EPB41L2: variants seen among roughly 807,000 people sequenced by gnomAD.
The protein encoded by EPB41L2 is erythrocyte membrane protein band 4.1 like 2.
EPB41L2 carries 43 observed loss-of-function variants against 113.0 expected under a neutral mutation model. The observed-to-expected ratio is 0.38, with a 90% CI of 0.30 to 0.49. EPB41L2 has a LOEUF of 0.49. Among genes scored for constraint, EPB41L2 ranks in the 20% least tolerant of loss-of-function variants. The pLI is 0.95. For synonymous variants in EPB41L2, 442 were observed against 436.7 expected (o/e 1.01, Z -0.15); for missense variants, 1,147 against 1,223.4 (o/e 0.94, Z 0.93).
intron 1 of EPB41L2, among the ~76,000 whole-genome samples, chr6:130,984,752 C>A (rs1015614253): frequency 1.3e-5 from 2 of 152,184 alleles, no homozygotes; most frequent in African/African-American, 4.8e-5. Context: ...CCACTGTCTC[C>A]TTAAGAAAAT....
chr6:130,888,019 A>G (rs569026791), intron 11 of EPB41L2, among the ~76,000 whole-genome samples: 2 of 152,196 alleles, frequency 1.3e-5, no homozygotes, highest in South Asian at 4.1e-4. Context: ...TCATAAGAGG[A>G]TTTATTTTAA....
chr6:130,946,088 G>A (rs3777465), intron 3 of EPB41L2, among the ~76,000 whole-genome samples: 54,132 of 151,918 alleles, frequency 0.36, 13,763 homozygotes, highest in African/African-American at 0.71. Context: ...AAGTTTTTTC[G>A]AAAAATTTTT....
chr6:131,018,683 G>A (rs1275725364), intron 1 of EPB41L2, among the ~76,000 whole-genome samples: 2 of 152,156 alleles, frequency 1.3e-5, no homozygotes, highest in Non-Finnish European at 2.9e-5. Flanking sequence ...TAAATGTAAT[G>A]CATCCATAAA....
At position 130,870,003 on chromosome 6, in the gene EPB41L2, T is replaced by C. The variant is rs1268993945; in HGVS notation, c.2167A>G (p.Ile723Val). Residue 723 changes from isoleucine (I) to valine (V), a missense_variant, in exon 15 of 20, where the codon ATT becomes GTT. Ile to Val is a conservative substitution (Grantham distance 29, BLOSUM62 3). Coordinates refer to ENST00000337057, the MANE Select transcript of EPB41L2 (RefSeq NM_001431.4). ...TGTGTCACAGGCTCCACCTTACGAA[T>C]CTCCCCAGGACCACTCCCAGGTGAT... is the stretch of plus-strand genomic sequence containing the variant. ...EISPGSGPGE[I>V]RKVEPVTQKD... The C allele has an allele frequency of 6.2e-7, 1 of 1,613,784 alleles. No homozygotes were observed. The highest frequency in any genetic ancestry group is 1.3e-5 in the African/African-American group (1 of 74,842).
intron 1 of EPB41L2, among the ~76,000 whole-genome samples, chr6:131,014,456 C>T (rs529070248): frequency 1.6e-4 from 24 of 152,304 alleles, no homozygotes; most frequent in African/African-American, 5.8e-4. Context: ...GGTAAAAAGG[C>T]ATCTGTAATC....
chr6:130,951,246 C>A (rs1307338438), intron 3 of EPB41L2, among the ~76,000 whole-genome samples: 3 of 100,246 alleles, frequency 3.0e-5, no homozygotes, highest in Non-Finnish European at 5.3e-5. Context: ...GACAGAGCAA[C>A]TGTCTCCAAA....
chr6:130,912,892 A>G lies in EPB41L2; in HGVS notation c.811-4029T>C, dbSNP rs3822860. Among the ~76,000 whole-genome samples, 1,709 of 152,296 alleles carry G rather than the reference A, an allele frequency of 0.011. 179 individuals carry two copies. In the East Asian group the frequency reaches 0.26, roughly 23 times the overall value. ...GAAATTGAATGGCGCCAAATTGAAA[A>G]GAAAAAAAAAGTCCCCAGAATATTA... On this transcript the variant is annotated intron_variant, in intron 4 of 19. Coordinates refer to ENST00000337057, the MANE Select transcript of EPB41L2 (RefSeq NM_001431.4).
At chr6:130,930,532 T>C (rs1806471553) in intron 3 of EPB41L2, among the ~76,000 whole-genome samples, 1 of 152,200 alleles carries the variant, frequency 6.6e-6, no homozygotes, top group Non-Finnish European at 1.5e-5. Flanking sequence ...AGATAAAAGA[T>C]ACTCAACCTG....
At position 130,885,411 on chromosome 6, in the gene EPB41L2, C is replaced by T. The variant is rs922756231; in HGVS notation, c.1661-143G>A. 5.6e-6 allele frequency: 4 copies of T among 712,588 alleles called. No individual in the cohort carries two copies. The Admixed American group carries it at 1.1e-4, about 20-fold the overall frequency. The allele number at this position is 712,588 out of a possible 1,614,324, so 44.1% of individuals were successfully genotyped here. A position where few individuals can be genotyped will look rare whatever the true frequency, so the allele number is the denominator to read the frequency against. ...ACATTGCTTGAGCTCTGAAAATACC[C>T]ACCATATAAAATAAACTAATTTTTA... On this transcript the variant is annotated intron_variant, in intron 11 of 19. Transcript: ENST00000337057.
At chr6:131,022,945 G>C (rs1195088383) in intron 1 of EPB41L2, among the ~76,000 whole-genome samples, 1 of 152,116 alleles carries the variant, frequency 6.6e-6, no homozygotes, top group African/African-American at 2.4e-5. Context: ...ATTTCCACAA[G>C]GGCAGGAATT....
intron 12 of EPB41L2, chr6:130,880,878 T>C (rs1789096014): frequency 1.1e-5 from 2 of 182,128 alleles, no homozygotes; most frequent in South Asian, 3.9e-4. Flanking sequence ...GTAAAATTCG[T>C]TTTTAGCTTT....
chr6:131,004,675 G>T (rs559917612), intron 1 of EPB41L2, among the ~76,000 whole-genome samples: 14 of 152,242 alleles, frequency 9.2e-5, no homozygotes, highest in African/African-American at 3.4e-4. Flanking sequence ...CCAGCAAGAA[G>T]CCCACCCAGA....
At chr6:130,990,050 G>A (rs1443586112) in intron 1 of EPB41L2, among the ~76,000 whole-genome samples, 1 of 152,226 alleles carries the variant, frequency 6.6e-6, no homozygotes, top group Non-Finnish European at 1.5e-5. Context: ...GCAGGGCACA[G>A]TGGCTCACAC....
At chr6:130,884,755 A>AT (rs1348696888) in intron 12 of EPB41L2, among the ~76,000 whole-genome samples, 2 of 152,248 alleles carry the variant, frequency 1.3e-5, no homozygotes, top group Non-Finnish European at 1.5e-5. Context: ...TAAAATAATC[A>AT]AGAAGCTACA....
intron 1 of EPB41L2, chr6:131,000,775 C>T (rs1784186404): frequency 6.6e-6 from 1 of 152,216 alleles, no homozygotes; most frequent in African/African-American, 2.4e-5. Flanking sequence ...AGTGCTGACA[C>T]AATCCAGTCC....
At chr6:130,885,913 C>G (rs1326790129) in intron 11 of EPB41L2, among the ~76,000 whole-genome samples, 1 of 152,118 alleles carries the variant, frequency 6.6e-6, no homozygotes, top group Non-Finnish European at 1.5e-5. Flanking sequence ...GAAAACCTGG[C>G]CCTCATGTGC....
chr6:131,047,751 A>C (rs1179401728), intron 1 of EPB41L2, among the ~76,000 whole-genome samples: 1 of 152,258 alleles, frequency 6.6e-6, no homozygotes, highest in Non-Finnish European at 1.5e-5. Context: ...TCAGCTAAAA[A>C]AGAATATTTT....
intron 1 of EPB41L2, among the ~76,000 whole-genome samples, chr6:131,032,271 G>GT (rs1792322981): frequency 1.3e-5 from 2 of 152,130 alleles, no homozygotes; most frequent in South Asian, 4.2e-4. Context: ...CCTTCCTTCA[G>GT]TTTTTTCATC....
chr6:130,909,376 G>GT (rs1161027902), intron 4 of EPB41L2, among the ~76,000 whole-genome samples: 1 of 152,110 alleles, frequency 6.6e-6, no homozygotes, highest in Non-Finnish European at 1.5e-5. Context: ...CTCTATAATT[G>GT]TAAGGAGAGG....
Sources: allele counts gnomAD v4.1 joint callset (sites outside exome capture counted in the v4.1 genomes callset), GRCh38; gene constraint gnomAD v4.1.1; transcripts MANE v1.5; gene names NCBI Gene and HGNC (gene_info 2026-07-23, HGNC 2026-07-21).